NELL1: variants seen among roughly 807,000 people sequenced by gnomAD.
NELL1 encodes neural EGFL like 1.
A neutral mutation model predicts 107.4 loss-of-function variants in NELL1; 76 were observed. The ratio of observed to expected loss-of-function variants is 0.71; its 90% CI spans 0.59 to 0.86. The LOEUF is 0.86. Among genes scored for constraint, NELL1 ranks in the 40% least tolerant of loss-of-function variants. The pLI is 0.00. For synonymous variants in NELL1, 353 were observed against 341.2 expected (o/e 1.03, Z -0.38); for missense variants, 1,024 against 1,005.5 (o/e 1.02, Z -0.25).
intron 4 of NELL1, among the ~76,000 whole-genome samples, chr11:20,854,442 C>CT (rs1848844169): frequency 6.6e-6 from 1 of 152,102 alleles, no homozygotes; most frequent in South Asian, 2.1e-4. Context: ...TTAGCTTGTC[C>CT]TTTTCAAAGT....
chr11:21,045,776 T>A (rs952703739), intron 12 of NELL1, among the ~76,000 whole-genome samples: 1 of 152,198 alleles, frequency 6.6e-6, no homozygotes, highest in East Asian at 1.9e-4. Flanking sequence ...GAAATTAAAT[T>A]AAACATATAA....
In NELL1 at chr11:21,342,875, C is replaced by G. The variant is rs1018494375; in HGVS notation, c.1550-27978C>G. On this transcript the variant is annotated intron_variant, in intron 14 of 19. Coordinates refer to ENST00000357134, the MANE Select transcript of NELL1 (RefSeq NM_006157.5). ...TTCCTTACAGTGATTTTCCATTACT[C>G]TTTATATCAGATGCAGAAATGTTGA... Among the ~76,000 whole-genome samples the G allele has an allele frequency of 2.6e-5, 4 of 152,014 alleles. No homozygotes were observed. The East Asian group carries it at 7.7e-4, about 29-fold the overall frequency.
At chr11:20,976,777 G>A (rs1255295837) in intron 12 of NELL1, among the ~76,000 whole-genome samples, 1 of 151,952 alleles carries the variant, frequency 6.6e-6, no homozygotes, top group Non-Finnish European at 1.5e-5. Flanking sequence ...ATAATTATAA[G>A]CTTTAGTAAT....
At chr11:21,468,808 C>A (rs1489232736) in intron 15 of NELL1, among the ~76,000 whole-genome samples, 1 of 151,984 alleles carries the variant, frequency 6.6e-6, no homozygotes, top group Non-Finnish European at 1.5e-5. Flanking sequence ...GAGACAGGTT[C>A]TTTATTGCCT....
intron 4 of NELL1, among the ~76,000 whole-genome samples, chr11:20,883,408 G>A (rs1849446247): frequency 1.3e-5 from 2 of 152,226 alleles, no homozygotes; most frequent in Non-Finnish European, 2.9e-5. Context: ...ATTGATTAAG[G>A]GCCTACTCTG....
At chr11:21,270,987 A>C (rs60807375) in intron 14 of NELL1, among the ~76,000 whole-genome samples, 2,364 of 152,192 alleles carry the variant, frequency 0.016, 70 homozygotes, top group African/African-American at 0.054. Flanking sequence ...AAATAAGATA[A>C]AATTTTTCAA....
At position 20,674,620 on chromosome 11, in the gene NELL1, T is replaced by C. The variant is rs373269812; in HGVS notation, c.56-3312T>C. Reference sequence around the variant, plus strand: ...TATGGATGAGGAAACTGAGGCTTGATAAATGAATGCTTTTCTTAAGGGCAC... The same window carrying C: ...TATGGATGAGGAAACTGAGGCTTGACAAATGAATGCTTTTCTTAAGGGCAC... On this transcript the variant is annotated intron_variant, in intron 1 of 19. Coordinates refer to ENST00000357134, the MANE Select transcript of NELL1 (RefSeq NM_006157.5). 1.1e-4 allele frequency: 125 copies of C among 1,102,488 alleles called. No homozygotes were observed. In the African/African-American group the frequency reaches 1.7e-3, roughly 15 times the overall value. The allele number at this position is 1,102,488 out of a possible 1,614,324, so 68.3% of individuals were successfully genotyped here.
intron 12 of NELL1, among the ~76,000 whole-genome samples, chr11:20,975,988 A>G (rs1851620455): frequency 7.7e-6 from 1 of 129,482 alleles, no homozygotes; most frequent in Non-Finnish European, 1.6e-5. Context: ...ATATCTGTAC[A>G]TATATGTGTA....
intron 15 of NELL1, among the ~76,000 whole-genome samples, chr11:21,387,366 G>A (rs1052318741): frequency 6.6e-6 from 1 of 151,758 alleles, no homozygotes; most frequent in Non-Finnish European, 1.5e-5. Context: ...CCTCCCACTT[G>A]ATGGTCACCC....
At chr11:20,844,263 C>T (rs1848667700) in intron 3 of NELL1, among the ~76,000 whole-genome samples, 1 of 152,068 alleles carries the variant, frequency 6.6e-6, no homozygotes, top group Non-Finnish European at 1.5e-5. Flanking sequence ...CCAGGAGGGG[C>T]TCATAGTTTA....
intron 5 of NELL1, among the ~76,000 whole-genome samples, chr11:20,907,360 G>A (rs978463363): frequency 1.3e-5 from 2 of 151,544 alleles, no homozygotes; most frequent in African/African-American, 4.8e-5. Flanking sequence ...AGTATACAAA[G>A]TACTCCTATA....
chr11:21,471,129 GGTTTGT>G (rs1854169278), intron 15 of NELL1, among the ~76,000 whole-genome samples: 1 of 151,900 alleles, frequency 6.6e-6, no homozygotes, highest in Non-Finnish European at 1.5e-5. Context: ...CATTTTTTAG[GGTTTGT>G]CAATCCTTGT....
At chr11:21,372,938 T>A (rs1323354695) in intron 15 of NELL1, among the ~76,000 whole-genome samples, 1 of 151,894 alleles carries the variant, frequency 6.6e-6, no homozygotes, top group Non-Finnish European at 1.5e-5. Context: ...TGGTTTGTAA[T>A]GTGAAGTCAG....
intron 13 of NELL1, among the ~76,000 whole-genome samples, chr11:21,199,213 G>A (rs1026267692): frequency 6.6e-6 from 1 of 151,892 alleles, no homozygotes; most frequent in Non-Finnish European, 1.5e-5. Context: ...ATCAATCATG[G>A]ACATCTCCTA....
intron 4 of NELL1, among the ~76,000 whole-genome samples, chr11:20,863,744 G>T (rs1389500859): frequency 6.6e-6 from 1 of 152,206 alleles, no homozygotes; most frequent in African/African-American, 2.4e-5. Flanking sequence ...CACTCTGGGA[G>T]GCCAAGGCAG....
At chr11:20,881,234 C>T (rs1199964252) in intron 4 of NELL1, among the ~76,000 whole-genome samples, 1 of 152,166 alleles carries the variant, frequency 6.6e-6, no homozygotes, top group Non-Finnish European at 1.5e-5. Flanking sequence ...GCAGGACATC[C>T]CAGGATATAT....
intron 14 of NELL1, among the ~76,000 whole-genome samples, chr11:21,342,775 C>A (rs1448391314): frequency 6.6e-6 from 1 of 151,476 alleles, no homozygotes; most frequent in East Asian, 1.9e-4. Flanking sequence ...AGCATTGTGT[C>A]TGGTGCCAAA....
intron 14 of NELL1, among the ~76,000 whole-genome samples, chr11:21,300,619 C>A (rs1001595750): frequency 6.6e-6 from 1 of 151,926 alleles, no homozygotes; most frequent in African/African-American, 2.4e-5. Flanking sequence ...ATTTTCTCTT[C>A]TTCTAACACT....
At chr11:21,558,748 T>C (rs1338839291) in intron 16 of NELL1, among the ~76,000 whole-genome samples, 1 of 152,064 alleles carries the variant, frequency 6.6e-6, no homozygotes, top group Non-Finnish European at 1.5e-5. Context: ...AAATGACTAA[T>C]ACATGGTAAG....
Sources: allele counts gnomAD v4.1 joint callset (sites outside exome capture counted in the v4.1 genomes callset), GRCh38; gene constraint gnomAD v4.1.1; transcripts MANE v1.5; gene names NCBI Gene and HGNC (gene_info 2026-07-23, HGNC 2026-07-21).